Variants in ESCO1 observed in about 807,000 individuals in gnomAD.
The protein encoded by ESCO1 is establishment of sister chromatid cohesion N-acetyltransferase 1, also known as N-acetyltransferase ESCO1.
Under a neutral mutation model 83.5 loss-of-function variants are expected in ESCO1, and 33 were observed. That is an observed-to-expected ratio of 0.40 (90% CI 0.30 to 0.53). The LOEUF (loss-of-function observed/expected upper bound fraction) is 0.53, where lower values mean the gene tolerates loss of function less well. ESCO1 is among the 20% of genes least tolerant of loss of function. The pLI is 0.63. For missense variants in ESCO1, 855 were observed against 968.0 expected (o/e 0.88, Z 1.55); for synonymous variants, 332 against 324.3 (o/e 1.02, Z -0.25).
chr18:21,577,663 A>G (rs1448607800), intron 2 of ESCO1, among the ~76,000 whole-genome samples: 3 of 151,018 alleles, frequency 2.0e-5, no homozygotes, highest in African/African-American at 7.3e-5. Flanking sequence ...CCGTCTCAAA[A>G]AAAAAAAAAA....
chr18:21,545,088 C>T (rs995961549), intron 8 of ESCO1, among the ~76,000 whole-genome samples: 2 of 152,090 alleles, frequency 1.3e-5, no homozygotes, highest in Non-Finnish European at 2.9e-5. Flanking sequence ...GCTGTGTACT[C>T]GCTGTGTACT....
At chr18:21,566,119 A>G (rs2146203363) in intron 6 of ESCO1, 27 bp downstream of exon 6, 1 of 1,599,414 alleles carries the variant, frequency 6.3e-7, no homozygotes, top group Non-Finnish European at 8.5e-7. Context: ...AAAATCCTTA[A>G]GCTCTAAAAT....
At chr18:21,585,819 C>G (rs1461030990) in intron 1 of ESCO1, among the ~76,000 whole-genome samples, 2 of 152,006 alleles carry the variant, frequency 1.3e-5, no homozygotes, top group African/African-American at 4.8e-5. Flanking sequence ...TCTCAAACCC[C>G]CGGGCTCAAG....
chr18:21,532,958 T>G (rs1049935393), intron 10 of ESCO1, among the ~76,000 whole-genome samples: 15 of 152,126 alleles, frequency 9.9e-5, no homozygotes, highest in African/African-American at 3.4e-4. Context: ...CAAAGTACCT[T>G]GCCATCATGA....
rs1211687304 is a variant in ESCO1, at chr18:21,574,577, A to T, written c.267T>A (p.Thr89=). The T allele has an allele frequency of 6.2e-7, 1 of 1,613,922 alleles. No individual in the cohort carries two copies. Among genetic ancestry groups the T allele is most frequent in the Non-Finnish European group, 8.5e-7 (1 of 1,180,002 alleles). The part of the protein sequence containing the change: ...ATKSINKNTV[T]VRGYSQESTK... ...TAGATTCTTGTGAATATCCCCTCAC[A>T]GTCACCGTATTTTTATTAATGGATT... Residue 89 remains threonine (T), a synonymous_variant, in exon 4 of 12, where the codon ACT becomes ACA. Transcript: ENST00000269214.
intron 7 of ESCO1, among the ~76,000 whole-genome samples, chr18:21,563,018 C>G (rs1400399750): frequency 6.6e-6 from 1 of 151,236 alleles, no homozygotes; most frequent in Admixed American, 6.6e-5. Flanking sequence ...ATTATAGGAA[C>G]GAATCACCAC....
chr18:21,531,820 G>C (rs372894978), intron 11 of ESCO1, among the ~76,000 whole-genome samples: 2 of 148,590 alleles, frequency 1.3e-5, no homozygotes, highest in South Asian at 4.2e-4. Flanking sequence ...TTGAACCTGG[G>C]AGGCAGAGGT....
intron 8 of ESCO1, among the ~76,000 whole-genome samples, chr18:21,557,758 T>C (rs2038130881): frequency 1.3e-5 from 2 of 152,178 alleles, no homozygotes; most frequent in Non-Finnish European, 2.9e-5. Flanking sequence ...GAGTTCCTGA[T>C]AGGTTCCTGA....
At chr18:21,557,015 A>T (rs1205354012) in intron 8 of ESCO1, among the ~76,000 whole-genome samples, 1 of 152,126 alleles carries the variant, frequency 6.6e-6, no homozygotes, top group Non-Finnish European at 1.5e-5. Flanking sequence ...CTCTTTCTTC[A>T]AAGTTTCTCA....
rs1184435577 is a variant in ESCO1, at chr18:21,574,912, C to T, written c.-69G>A. On this transcript the variant is annotated 5_prime_UTR_variant, in exon 4 of 12. Transcript: ENST00000269214. ...TTTTGTGTCCTGGTAGGCGTGAATG[C>T]TGACTAGCTAGTATTATTACTGAGG... 19 of 1,195,858 alleles carry T rather than the reference C, an allele frequency of 1.6e-5. No homozygotes were observed. The highest frequency in any genetic ancestry group is 9.3e-5 in the South Asian group (6 of 64,382). The allele number at this position is 1,195,858 out of a possible 1,614,324, so 74.1% of individuals were successfully genotyped here. A position where few individuals can be genotyped will look rare whatever the true frequency, so the allele number is the denominator to read the frequency against.
chr18:21,574,386 G>A lies in ESCO1; in HGVS notation c.458C>T (p.Pro153Leu), dbSNP rs1446706856. The A allele has an allele frequency of 3.1e-6, 5 of 1,613,828 alleles. No homozygotes were observed. The highest frequency in any genetic ancestry group is 3.3e-5 in the Admixed American group (2 of 59,978). Residue 153 changes from proline (P) to leucine (L), a missense_variant, in exon 4 of 12, where the codon CCA (proline) becomes CTA (leucine). Coordinates refer to ENST00000269214, the MANE Select transcript of ESCO1 (RefSeq NM_052911.3). ...GQVQAVKQSL[P>L]PTKKEQCSST... ...GCTACACTGCTCTTTTTTAGTTGGTGGCAAACTCTGTTTAACTGCTTGAAC... is the reference window on the plus strand; with the variant it reads ...GCTACACTGCTCTTTTTTAGTTGGTAGCAAACTCTGTTTAACTGCTTGAAC...
chr18:21,569,699 A>G (rs1402165371), intron 4 of ESCO1, among the ~76,000 whole-genome samples: 5 of 152,218 alleles, frequency 3.3e-5, no homozygotes, highest in Non-Finnish European at 7.3e-5. Context: ...GATCGAGATC[A>G]TGCCATTGCA....
intron 8 of ESCO1, among the ~76,000 whole-genome samples, chr18:21,548,877 C>G (rs1371801443): frequency 6.6e-6 from 1 of 150,960 alleles, no homozygotes; most frequent in Non-Finnish European, 1.5e-5. Flanking sequence ...GAGTTCAAGG[C>G]AACAGTGAGC....
At chr18:21,586,440 T>G (rs909551719) in intron 1 of ESCO1, among the ~76,000 whole-genome samples, 1 of 152,234 alleles carries the variant, frequency 6.6e-6, no homozygotes, top group African/African-American at 2.4e-5. Context: ...TTAGATTGAT[T>G]CCATGTCTTG....
At chr18:21,556,289 T>C (rs2146193304) in intron 8 of ESCO1, among the ~76,000 whole-genome samples, 1 of 152,144 alleles carries the variant, frequency 6.6e-6, no homozygotes, top group East Asian at 1.9e-4. Flanking sequence ...AGAAAAAAAA[T>C]CTCTAATCCT....
chr18:21,578,481 T>C (rs537517345), intron 2 of ESCO1, among the ~76,000 whole-genome samples: 6 of 151,766 alleles, frequency 4.0e-5, no homozygotes, highest in South Asian at 4.2e-4. Context: ...TTTCAGAGAA[T>C]AGAAAAAAAG....
At position 21,575,319 on chromosome 18, in the gene ESCO1, C is replaced by A. The variant is rs950115268; in HGVS notation, c.-476G>T. 5.0e-6 allele frequency: 2 copies of A among 396,586 alleles called. No individual in the cohort carries two copies. The highest frequency in any genetic ancestry group is 8.9e-6 in the Non-Finnish European group (2 of 224,958). 24.6% of individuals were successfully genotyped at this position (396,586 alleles called of 1,614,324 possible). A position where few individuals can be genotyped will look rare whatever the true frequency, so the allele number is the denominator to read the frequency against. On this transcript the variant is annotated 5_prime_UTR_variant, in exon 4 of 12. Transcript: ENST00000269214. ...GATTCACTTGAAACATGTCTTATGG[C>A]TAACACGTTTCTTTCCTTGTTTGCT...
chr18:21,552,115 T>C (rs775979779), intron 8 of ESCO1, among the ~76,000 whole-genome samples: 46 of 152,340 alleles, frequency 3.0e-4, no homozygotes, highest in Middle Eastern at 3.4e-3. Flanking sequence ...TTTGTAGATA[T>C]TGACAAACTA....
chr18:21,534,218 A>C (rs2037803156), intron 10 of ESCO1, among the ~76,000 whole-genome samples: 1 of 152,222 alleles, frequency 6.6e-6, no homozygotes, highest in African/African-American at 2.4e-5. Context: ...GTGTTCCATT[A>C]CTGGAACACT....
Sources: gnomAD v4.1 joint callset for allele counts (sites outside exome capture counted in the v4.1 genomes callset) on GRCh38, gnomAD v4.1.1 for gene constraint, MANE v1.5 for transcripts, NCBI Gene and HGNC (gene_info 2026-07-23, HGNC 2026-07-21) for gene names.